The following NDUFS7 variants were observed in gnomAD, a reference collection of about 807,000 sequenced individuals.
The protein encoded by NDUFS7 is NADH dehydrogenase [ubiquinone] iron-sulfur protein 7, mitochondrial.
A neutral mutation model predicts 31.1 loss-of-function variants in NDUFS7; 11 were observed. The observed-to-expected ratio is 0.35, with a 90% CI of 0.22 to 0.59. The LOEUF (loss-of-function observed/expected upper bound fraction) is 0.59. Among genes scored for constraint, NDUFS7 ranks in the 20% least tolerant of loss-of-function variants. NDUFS7 has a pLI of 0.79. For missense variants in NDUFS7, 263 were observed against 324.2 expected (o/e 0.81, Z 1.45); for synonymous variants, 136 against 127.9 (o/e 1.06, Z -0.43).
intron 7 of NDUFS7, chr19:1,394,021 A>T: frequency 3.9e-6 from 1 of 257,972 alleles, no homozygotes; most frequent in Non-Finnish European, 7.7e-6. Context: ...GCAGGCTTGG[A>T]GGTGGCGCTC....
At chr19:1,384,753 G>A (rs745725589) in intron 1 of NDUFS7, among the ~76,000 whole-genome samples, 3 of 152,176 alleles carry the variant, frequency 2.0e-5, no homozygotes, top group Non-Finnish European at 4.4e-5. Flanking sequence ...CTGTGATTCC[G>A]CTTGGTGAAA....
chr19:1,388,014 C>A (rs1600146325), intron 2 of NDUFS7, 167 bp downstream of exon 2: 1 of 728,890 alleles, frequency 1.4e-6, no homozygotes, highest in Non-Finnish European at 2.4e-6. Context: ...TGTGCCGGGA[C>A]CCTCCCTGGG....
At position 1,391,119 on chromosome 19, in the gene NDUFS7, G is replaced by T. The variant is rs2082554065; in HGVS notation, c.409G>T (p.Val137Phe). The change falls in exon 6 of 8, where the codon GTC (valine) becomes TTC (phenylalanine). Residue 137 changes from valine (V) to phenylalanine (F), a missense_variant and splice_region_variant. Physicochemically the swap from Val to Phe is conservative, Grantham distance 50. Transcript: ENST00000233627. ...CGCACGGACCCCGCCTCTCTTCCAG[G>T]TCTACGACCAGATGCCGGAGCCGCG... The part of the protein sequence containing the change: ...TNKMAPALRK[V>F]YDQMPEPRYV... 1 of 1,612,842 alleles carries T rather than the reference G, an allele frequency of 6.2e-7. No homozygotes were observed. The highest frequency in any genetic ancestry group is 1.3e-5 in the African/African-American group (1 of 74,912).
At chr19:1,394,483 G>A in intron 7 of NDUFS7, 2 of 1,265,186 alleles carry the variant, frequency 1.6e-6, no homozygotes, top group Non-Finnish European at 2.0e-6. Flanking sequence ...CCTGTCTGGG[G>A]ACTGCGCTCC....
Position 1,395,081 on chromosome 19 carries a change from A to G in NDUFS7, c.545-310A>G, listed in dbSNP as rs555328262. 8.6e-6 allele frequency: 11 copies of G among 1,279,930 alleles called. No homozygotes were observed. The East Asian group carries it at 4.1e-4, about 48-fold the overall frequency. 79.3% of individuals were successfully genotyped at this position (1,279,930 alleles called of 1,614,324 possible). A position where few individuals can be genotyped will look rare whatever the true frequency, so the allele number is the denominator to read the frequency against. On this transcript the variant is annotated intron_variant, in intron 7 of 7. Transcript: ENST00000233627. ...GTCTGCTGAGCGCTGGCCCCCATTGAGTCCTGAGGGCTGGGGCCGGGGGCC... is the reference window on the plus strand; with the variant it reads ...GTCTGCTGAGCGCTGGCCCCCATTGGGTCCTGAGGGCTGGGGCCGGGGGCC...
rs760007330 is a variant in NDUFS7 at position 1,393,447 on chromosome 19, C to T, written c.544+117C>T. 2 of 857,234 alleles carry T rather than the reference C, an allele frequency of 2.3e-6. No individual in the cohort carries two copies. The highest frequency in any genetic ancestry group is 2.8e-5 in the South Asian group (2 of 70,492). The allele number at this position is 857,234 out of a possible 1,614,324, so 53.1% of individuals were successfully genotyped here. On this transcript the variant is annotated intron_variant, in intron 7 of 7. Transcript: ENST00000233627. This position sits in a 1 kb window ranked among gnomAD's most constrained non-coding sequence, Gnocchi z 7.3. Reference sequence around the variant, plus strand: ...CCCAGCAGACGGCGGGCTCCCCCATCCTATGGATGGGCCGACTCGGAGCGC... The same window carrying T: ...CCCAGCAGACGGCGGGCTCCCCCATTCTATGGATGGGCCGACTCGGAGCGC...
chr19:1,386,115 G>A lies in NDUFS7; in HGVS notation c.17-1696G>A, dbSNP rs551585989. Reference sequence around the variant, plus strand: ...AACAGCAACCCCGGATGAGGCTAAGGCTGGGGTGAGGGAGGGGCTCAGAGG... The same window carrying A: ...AACAGCAACCCCGGATGAGGCTAAGACTGGGGTGAGGGAGGGGCTCAGAGG... On this transcript the variant is annotated intron_variant, in intron 1 of 7. Transcript: ENST00000233627. 5.9e-4 allele frequency among the ~76,000 whole-genome samples: 90 copies of A among 152,326 alleles called. 1 individual carries two copies. The highest frequency in any genetic ancestry group is 2.0e-3 in the African/African-American group (85 of 41,570).
At chr19:1,384,872 T>C (rs1039324221) in intron 1 of NDUFS7, among the ~76,000 whole-genome samples, 9 of 152,228 alleles carry the variant, frequency 5.9e-5, no homozygotes, top group Admixed American at 5.2e-4. Flanking sequence ...AGTGCAGTGG[T>C]GCCATCTTGG....
intron 2 of NDUFS7, chr19:1,388,289 A>G (rs1399519152): frequency 3.3e-6 from 2 of 604,232 alleles, no homozygotes; most frequent in East Asian, 5.5e-5. Context: ...TTGCTTGGAC[A>G]CTGTTGACCT....
intron 1 of NDUFS7, among the ~76,000 whole-genome samples, chr19:1,385,779 G>A (rs1368586575): frequency 1.3e-5 from 2 of 151,890 alleles, no homozygotes; most frequent in African/African-American, 2.4e-5. Flanking sequence ...AGATTGTGCC[G>A]TTGCACTCCA....
chr19:1,389,149 ACT>A (rs923403218), intron 4 of NDUFS7: 49 of 701,944 alleles, frequency 7.0e-5, no homozygotes, highest in African/African-American at 4.5e-4. Context: ...ACATATGCAC[ACT>A]CGCACACATG....
chr19:1,395,252 C>T (rs1751970067), intron 7 of NDUFS7, 139 bp from the exon 8 acceptor site: 1 of 1,459,712 alleles, frequency 6.9e-7, no homozygotes, highest in African/African-American at 1.4e-5. Context: ...GTCCCTGGCA[C>T]TGCGCCCACC....
In NDUFS7 at chr19:1,388,813, C is replaced by G; in HGVS notation, c.123-20C>G. On this transcript the variant is annotated intron_variant, in intron 3 of 7. Transcript: ENST00000233627. ...ACCTGCGTGGCTGACGCCTCCTGTG[C>G]CCGTGTGTCTCTGTGCCAGCACCCA... is the stretch of plus-strand genomic sequence containing the variant. 1 of 1,575,314 alleles carries G rather than the reference C, an allele frequency of 6.3e-7. No homozygotes were observed.
At position 1,395,496 on chromosome 19, in the gene NDUFS7, G is replaced by A. The variant is rs756081375; in HGVS notation, c.*8G>A. On this transcript the variant is annotated 3_prime_UTR_variant, in exon 8 of 8. Coordinates refer to ENST00000233627, the MANE Select transcript of NDUFS7 (RefSeq NM_024407.5). ...ATCTGGTACCGCAGGTAGCGCCGCC[G>A]CCGCCGCCGCCGGAGCCTGTCGCCG... 2.3e-5 allele frequency: 36 copies of A among 1,564,194 alleles called. No homozygotes were observed. The highest frequency in any genetic ancestry group is 5.9e-5 in the South Asian group (5 of 84,922).
Position 1,393,061 on chromosome 19 carries a change from C to G in NDUFS7, c.456-181C>G. ...CAGCCACGTGTGAGCTTGCGCCCCA[C>G]TGGTCCCACAGAGGCTCTGGGAGCC... On this transcript the variant is annotated intron_variant, in intron 6 of 7. Coordinates refer to ENST00000233627, the MANE Select transcript of NDUFS7 (RefSeq NM_024407.5). This position sits in a 1 kb window ranked among gnomAD's most constrained non-coding sequence, Gnocchi z 7.3. 1.6e-6 allele frequency: 1 copy of G among 625,444 alleles called. No individual in the cohort carries two copies. Among genetic ancestry groups the G allele is most frequent in the Non-Finnish European group, 2.9e-6 (1 of 346,116 alleles). 38.7% of individuals were successfully genotyped at this position (625,444 alleles called of 1,614,324 possible). A position where few individuals can be genotyped will look rare whatever the true frequency, so the allele number is the denominator to read the frequency against.
At chr19:1,385,593 C>T (rs1049388561) in intron 1 of NDUFS7, among the ~76,000 whole-genome samples, 13 of 152,074 alleles carry the variant, frequency 8.5e-5, no homozygotes, top group Admixed American at 8.5e-4. Context: ...CCGAGGTGGG[C>T]GGATCCCCTG....
intron 1 of NDUFS7, chr19:1,386,720 C>A (rs1374812919): frequency 6.6e-6 from 1 of 152,260 alleles, no homozygotes; most frequent in Admixed American, 6.5e-5. Flanking sequence ...TGGTCTCGAA[C>A]TCCTGACCTC....
intron 1 of NDUFS7, among the ~76,000 whole-genome samples, chr19:1,387,587 C>T (rs1049604108): frequency 7.2e-5 from 11 of 152,090 alleles, no homozygotes; most frequent in African/African-American, 1.7e-4. Context: ...GGCGGGGAGA[C>T]GGGGCAGCGT....
chr19:1,394,559 C>G, intron 7 of NDUFS7: 3 of 1,243,794 alleles, frequency 2.4e-6, no homozygotes, highest in African/African-American at 1.7e-5. Context: ...CCCTGGGGAC[C>G]GCGCTCCTCC....
Sources: allele counts gnomAD v4.1 joint callset (sites outside exome capture counted in the v4.1 genomes callset), GRCh38; gene constraint gnomAD v4.1.1; non-coding constraint Gnocchi (gnomAD v3.1); transcripts MANE v1.5; gene names NCBI Gene and HGNC (gene_info 2026-07-23, HGNC 2026-07-21).